ATL1: variants seen among roughly 807,000 people sequenced by gnomAD.
The protein encoded by ATL1 is atlastin GTPase 1.
ATL1 carries 31 observed loss-of-function variants against 75.5 expected under a neutral mutation model. The ratio of observed to expected loss-of-function variants is 0.41; its 90% CI spans 0.31 to 0.55. The LOEUF (loss-of-function observed/expected upper bound fraction) is 0.55. ATL1 is among the 20% of genes least tolerant of loss of function. ATL1 has a pLI of 0.27. For missense variants in ATL1, 405 were observed against 662.6 expected, an observed-to-expected ratio of 0.61 and a Z score of 4.27; for synonymous variants, 226 against 233.3, an observed-to-expected ratio of 0.97 and a Z score of 0.28.
At chr14:50,538,951 C>CT (rs2038527504) in intron 1 of ATL1, among the ~76,000 whole-genome samples, 3 of 152,196 alleles carry the variant, frequency 2.0e-5, no homozygotes, top group African/African-American at 7.2e-5. Context: ...TCCCAAGTAG[C>CT]TGGGACTATG....
chr14:50,626,508 G>C (rs534760198), intron 11 of ATL1, among the ~76,000 whole-genome samples: 40 of 152,300 alleles, frequency 2.6e-4, no homozygotes, highest in Non-Finnish European at 5.1e-4. Flanking sequence ...TTCTCTTAAC[G>C]GATAAGGAGT....
At chr14:50,548,710 C>T (rs1484465624) in intron 1 of ATL1, among the ~76,000 whole-genome samples, 2 of 152,054 alleles carry the variant, frequency 1.3e-5, no homozygotes, top group Non-Finnish European at 2.9e-5. Context: ...CAGGGTTTCA[C>T]TGTGTTAGCC....
chr14:50,553,513 C>T (rs2038728494), intron 1 of ATL1, among the ~76,000 whole-genome samples: 1 of 152,018 alleles, frequency 6.6e-6, no homozygotes, highest in Non-Finnish European at 1.5e-5. Context: ...GGAATGTAAA[C>T]TAGTACAACC....
intron 1 of ATL1, among the ~76,000 whole-genome samples, chr14:50,573,537 T>A (rs567088215): frequency 6.6e-6 from 1 of 152,240 alleles, no homozygotes; most frequent in Non-Finnish European, 1.5e-5. Flanking sequence ...AAATTCGATT[T>A]ATGTACTAAT....
intron 1 of ATL1, among the ~76,000 whole-genome samples, chr14:50,569,685 A>G (rs2140183972): frequency 6.6e-6 from 1 of 152,200 alleles, no homozygotes; most frequent in East Asian, 1.9e-4. Context: ...GTGTCGTTTC[A>G]TTTCAACATG....
At chr14:50,626,429 A>G in intron 11 of ATL1, among the ~76,000 whole-genome samples, 1 of 152,208 alleles carries the variant, frequency 6.6e-6, no homozygotes. Context: ...TGGAGGAAGG[A>G]AGTGCATGTG....
Position 50,587,871 on chromosome 14 carries a change from G to A in ATL1, c.75G>A (p.Glu25=), listed in dbSNP as rs766461592. 1 of 1,614,042 alleles carries A rather than the reference G, an allele frequency of 6.2e-7. No homozygotes were observed. Among genetic ancestry groups the A allele is most frequent in the Non-Finnish European group, 8.5e-7 (1 of 1,180,030 alleles). ...SEKTYEWSSE[E]EEPVKKAGPV... is the part of the protein sequence containing the mutation. ...AGACATATGAATGGAGCTCAGAAGA[G>A]GAGGAGCCAGTGAAAAAGGCAGGAC... The change falls in exon 2 of 14, where the codon GAG becomes GAA. Residue 25 remains glutamate, a synonymous_variant. Transcript: ENST00000358385.
chr14:50,583,581 G>A (rs890491755), intron 1 of ATL1, among the ~76,000 whole-genome samples: 1 of 152,132 alleles, frequency 6.6e-6, no homozygotes, highest in Non-Finnish European at 1.5e-5. Context: ...AACATAGATG[G>A]AGAGCTAGAT....
intron 6 of ATL1, among the ~76,000 whole-genome samples, chr14:50,607,143 G>A (rs985810459): frequency 2.6e-5 from 4 of 152,082 alleles, no homozygotes; most frequent in African/African-American, 9.6e-5. Flanking sequence ...ATGGAATTTG[G>A]GAACAAGGCA....
intron 7 of ATL1, among the ~76,000 whole-genome samples, chr14:50,614,155 C>T (rs1202722449): frequency 6.6e-6 from 1 of 152,150 alleles, no homozygotes; most frequent in Non-Finnish European, 1.5e-5. Context: ...TAAGGGTAGA[C>T]ACTTGTTAAT....
chr14:50,563,449 A>G (rs1343135039), intron 1 of ATL1, among the ~76,000 whole-genome samples: 2 of 152,224 alleles, frequency 1.3e-5, no homozygotes, highest in African/African-American at 2.4e-5. Flanking sequence ...AAAAGAAGAC[A>G]GTGAACTGAC....
chr14:50,624,219 CCTCA>C (rs1395021672), intron 11 of ATL1, among the ~76,000 whole-genome samples: 1 of 151,986 alleles, frequency 6.6e-6, no homozygotes, highest in Non-Finnish European at 1.5e-5. Context: ...TTTTATTGAG[CCTCA>C]CTTTCTTGCA....
intron 8 of ATL1, 92 bp downstream of exon 8, chr14:50,614,603 T>C: frequency 7.4e-7 from 1 of 1,347,808 alleles, no homozygotes; most frequent in Non-Finnish European, 1.0e-6. Context: ...TAGTTTAGTT[T>C]ATCCACTGAT....
chr14:50,582,109 C>T (rs991628630), intron 1 of ATL1, among the ~76,000 whole-genome samples: 2 of 151,908 alleles, frequency 1.3e-5, no homozygotes, highest in African/African-American at 4.8e-5. Context: ...GGTGAAACCC[C>T]ATCTCTACTA....
intron 6 of ATL1, among the ~76,000 whole-genome samples, chr14:50,608,135 A>G (rs35446323): frequency 0.2 from 30,592 of 152,068 alleles, 3,824 homozygotes; most frequent in East Asian, 0.58. Context: ...TTGTGGCTTC[A>G]TATGTTTTTA....
intron 12 of ATL1, chr14:50,628,680 A>T: frequency 1.4e-6 from 1 of 696,104 alleles, no homozygotes; most frequent in Non-Finnish European, 2.7e-6. Context: ...TTCAGCATTT[A>T]AAAAAATATA....
chr14:50,569,876 C>T (rs1222447105), intron 1 of ATL1, among the ~76,000 whole-genome samples: 1 of 152,126 alleles, frequency 6.6e-6, no homozygotes, highest in Non-Finnish European at 1.5e-5. Context: ...CTGCCCACTG[C>T]TTTTTTGCTT....
chr14:50,549,998 C>T (rs2038681658), intron 1 of ATL1, among the ~76,000 whole-genome samples: 1 of 152,198 alleles, frequency 6.6e-6, no homozygotes, highest in African/African-American at 2.4e-5. Flanking sequence ...CTCCTAAGAA[C>T]ACCAGTGGAT....
At chr14:50,629,408 C>T (rs963279077) in intron 12 of ATL1, among the ~76,000 whole-genome samples, 1 of 151,884 alleles carries the variant, frequency 6.6e-6, no homozygotes, top group Non-Finnish European at 1.5e-5. Flanking sequence ...ATGGAGAAAC[C>T]CCGTCTCTAC....
Sources: gnomAD v4.1 joint callset for allele counts (sites outside exome capture counted in the v4.1 genomes callset) on GRCh38, gnomAD v4.1.1 for gene constraint, MANE v1.5 for transcripts, NCBI Gene and HGNC (gene_info 2026-07-23, HGNC 2026-07-21) for gene names.